Variants in PEX7 observed in about 807,000 individuals in gnomAD.
PEX7 encodes the protein PTS2 receptor.
PEX7 carries 34 observed loss-of-function variants against 47.5 expected under a neutral mutation model. The ratio of observed to expected loss-of-function variants is 0.72; its 90% CI spans 0.54 to 0.95. The LOEUF is 0.95. Among genes scored for constraint, PEX7 ranks in the 40% least tolerant of loss-of-function variants. PEX7 has a pLI of 0.00. For missense variants in PEX7, 394 were observed against 400.3 expected, an observed-to-expected ratio of 0.98 and a Z score of 0.13; for synonymous variants, 141 against 148.8, an observed-to-expected ratio of 0.95 and a Z score of 0.38.
At chr6:136,889,017 T>A (rs1305694131) in intron 8 of PEX7, among the ~76,000 whole-genome samples, 2 of 152,156 alleles carry the variant, frequency 1.3e-5, no homozygotes, top group East Asian at 3.8e-4. Flanking sequence ...TATTTTTTTC[T>A]ACAAATCAAG....
intron 5 of PEX7, 22 bp downstream of exon 5, chr6:136,846,203 A>G: frequency 6.7e-7 from 1 of 1,482,324 alleles, no homozygotes; most frequent in Non-Finnish European, 9.4e-7. Context: ...TGTATTTACC[A>G]AAAGCCTTAC....
At chr6:136,855,873 A>AT in intron 5 of PEX7, 1 of 206,566 alleles carries the variant, frequency 4.8e-6, no homozygotes, top group Non-Finnish European at 9.8e-6. Flanking sequence ...GCGTATGACC[A>AT]AATATAAATC....
chr6:136,844,610 C>T (rs1468845907), intron 3 of PEX7, among the ~76,000 whole-genome samples: 1 of 152,144 alleles, frequency 6.6e-6, no homozygotes, highest in Non-Finnish European at 1.5e-5. Context: ...AATTATTCAT[C>T]TTATAACTAA....
At chr6:136,878,516 G>A (rs780659272) in intron 8 of PEX7, among the ~76,000 whole-genome samples, 1 of 152,032 alleles carries the variant, frequency 6.6e-6, no homozygotes, top group South Asian at 2.1e-4. Context: ...TAGCATGAAG[G>A]GTGTTGAATT....
intron 8 of PEX7, among the ~76,000 whole-genome samples, chr6:136,880,567 T>G (rs994373740): frequency 7.9e-5 from 12 of 152,210 alleles, no homozygotes; most frequent in African/African-American, 2.9e-4. Context: ...TTGATTTTTC[T>G]TCTTACAGTT....
chr6:136,823,410 C>G (rs1305365310), intron 1 of PEX7: 2 of 949,858 alleles, frequency 2.1e-6, no homozygotes, highest in Non-Finnish European at 2.5e-6. Flanking sequence ...TTAATTGTCT[C>G]CCGTCGCGCG....
intron 9 of PEX7, among the ~76,000 whole-genome samples, chr6:136,904,788 C>A (rs566271021): frequency 2.0e-5 from 3 of 152,084 alleles, no homozygotes; most frequent in Non-Finnish European, 4.4e-5. Flanking sequence ...TTATCAGCAG[C>A]GTGAAAATGG....
intron 3 of PEX7, among the ~76,000 whole-genome samples, chr6:136,839,179 T>C (rs1483881903): frequency 2.0e-5 from 3 of 152,174 alleles, no homozygotes; most frequent in Non-Finnish European, 4.4e-5. Flanking sequence ...AGTGAGATCC[T>C]GTCTCAAAAG....
intron 8 of PEX7, among the ~76,000 whole-genome samples, chr6:136,894,358 G>A (rs111714528): frequency 2.5e-4 from 37 of 149,804 alleles, no homozygotes; most frequent in African/African-American, 6.4e-4. Context: ...TTGGGAGGCC[G>A]AGGCGGGCAG....
chr6:136,904,303 A>G (rs955850661), intron 9 of PEX7, among the ~76,000 whole-genome samples: 5 of 152,182 alleles, frequency 3.3e-5, no homozygotes, highest in African/African-American at 1.2e-4. Context: ...TTTAGCTTAC[A>G]ATGATATAAC....
intron 9 of PEX7, among the ~76,000 whole-genome samples, chr6:136,904,030 C>T (rs527945567): frequency 2.0e-5 from 3 of 152,016 alleles, no homozygotes; most frequent in South Asian, 2.1e-4. Flanking sequence ...CCATAATCTT[C>T]GATACCAGGT....
chr6:136,846,104 C>T lies in PEX7; in HGVS notation c.449C>T (p.Thr150Ile), dbSNP rs957954726. The T allele has an allele frequency of 1.2e-6, 2 of 1,612,976 alleles. No homozygotes were observed. Among genetic ancestry groups the T allele is most frequent in the Non-Finnish European group, 1.7e-6 (2 of 1,179,154 alleles). Residue 150 changes from threonine to isoleucine, a missense_variant, in exon 5 of 10, where the codon ACC becomes ATC. Coordinates refer to ENST00000318471, the MANE Select transcript of PEX7 (RefSeq NM_000288.4). ...WDPTVGKSLC[T>I]FRGHESIIYS... ...CCAACTGTTGGAAAGTCTCTGTGCA[C>T]CTTTAGAGGCCATGAAAGTATTATT...
intron 5 of PEX7, among the ~76,000 whole-genome samples, chr6:136,857,404 A>G (rs940232795): frequency 6.6e-6 from 1 of 152,232 alleles, no homozygotes; most frequent in Non-Finnish European, 1.5e-5. Flanking sequence ...GGACGCTGCT[A>G]GTGAGTCAGT....
At chr6:136,850,191 T>G (rs1305596040) in intron 5 of PEX7, among the ~76,000 whole-genome samples, 3 of 152,104 alleles carry the variant, frequency 2.0e-5, no homozygotes, top group Non-Finnish European at 4.4e-5. Flanking sequence ...CTGCTTTTTT[T>G]TTTGTTTTCC....
intron 3 of PEX7, among the ~76,000 whole-genome samples, chr6:136,840,159 A>G (rs753960118): frequency 2.0e-5 from 3 of 152,250 alleles, no homozygotes; most frequent in Non-Finnish European, 2.9e-5. Flanking sequence ...TTAAAAATCA[A>G]TGAAATATTT....
At chr6:136,850,707 A>G (rs1774726926) in intron 5 of PEX7, among the ~76,000 whole-genome samples, 1 of 152,192 alleles carries the variant, frequency 6.6e-6, no homozygotes, top group African/African-American at 2.4e-5. Context: ...ACACTGTTTC[A>G]GAACCTGTGA....
At chr6:136,887,603 C>T (rs773425215) in intron 8 of PEX7, among the ~76,000 whole-genome samples, 23 of 151,210 alleles carry the variant, frequency 1.5e-4, no homozygotes, top group Admixed American at 6.7e-5. Context: ...CCTTCATATG[C>T]GTATGTGTAG....
intron 2 of PEX7, 71 bp downstream of exon 2, chr6:136,825,342 C>T: frequency 2.4e-6 from 3 of 1,244,802 alleles, no homozygotes; most frequent in Non-Finnish European, 3.5e-6. Context: ...GGTTTTGACT[C>T]TTTGATTAAT....
At chr6:136,823,372 A>AT in intron 1 of PEX7, 1 of 984,354 alleles carries the variant, frequency 1.0e-6, no homozygotes, top group Admixed American at 6.1e-5. Context: ...GAATGCACAC[A>AT]TTCGCAAGTA....
Sources: allele counts gnomAD v4.1 joint callset (sites outside exome capture counted in the v4.1 genomes callset), GRCh38; gene constraint gnomAD v4.1.1; transcripts MANE v1.5; gene names NCBI Gene and HGNC (gene_info 2026-07-23, HGNC 2026-07-21).